CDH19: variants seen among roughly 807,000 people sequenced by gnomAD.
The protein encoded by CDH19 is cadherin-19.
A neutral mutation model predicts 64.2 loss-of-function variants in CDH19; 67 were observed. The observed-to-expected ratio is 1.04, with a 90% CI of 0.86 to 1.28. The LOEUF is 1.28. Ranked by LOEUF, CDH19 falls within the 50% of genes most tolerant of loss-of-function variation. CDH19 has a pLI of 0.00. For missense variants in CDH19, 1,030 were observed against 929.0 expected (o/e 1.11, Z -1.41); for synonymous variants, 346 against 319.3 (o/e 1.08, Z -0.89).
At chr18:66,514,967 C>T (rs1376801560) in intron 9 of CDH19, among the ~76,000 whole-genome samples, 1 of 151,532 alleles carries the variant, frequency 6.6e-6, no homozygotes, top group African/African-American at 2.4e-5. Context: ...ACAATGAAAC[C>T]TACTTCCAGG....
chr18:66,532,685 T>G, intron 8 of CDH19: 1 of 445,720 alleles, frequency 2.2e-6, no homozygotes, highest in Non-Finnish European at 4.5e-6. Flanking sequence ...TGAAATGTAA[T>G]CTTCAAGGAA....
rs372008240 is a variant in CDH19, at chr18:66,504,803, T to C, written c.*9A>G. The C allele has an allele frequency of 5.2e-4, 828 of 1,582,894 alleles. No homozygotes were observed. Among genetic ancestry groups the C allele is most frequent in the Non-Finnish European group, 6.6e-4 (768 of 1,160,282 alleles). The stretch of plus-strand genomic sequence containing the variant: ...TTAGCACTTTTAAAAATTTTGATGG[T>C]AAAAAGCCCTAATTATTTGACTGCA... On this transcript the variant is annotated 3_prime_UTR_variant, in exon 12 of 12. Transcript: ENST00000262150.
intron 1 of CDH19, among the ~76,000 whole-genome samples, chr18:66,598,045 A>C (rs1239285932): frequency 1.3e-5 from 2 of 152,182 alleles, no homozygotes; most frequent in African/African-American, 4.8e-5. Flanking sequence ...GTATAAAAAA[A>C]AATATTCCAA....
chr18:66,544,647 ACCAG>A, intron 6 of CDH19, 68 bp downstream of exon 6: 1 of 1,040,566 alleles, frequency 9.6e-7, no homozygotes, highest in Non-Finnish European at 1.4e-6. Flanking sequence ...TTAAAAACTA[ACCAG>A]CTACACAAAA....
At chr18:66,542,730 T>C (rs1448349984) in intron 7 of CDH19, among the ~76,000 whole-genome samples, 1 of 151,998 alleles carries the variant, frequency 6.6e-6, no homozygotes, top group Non-Finnish European at 1.5e-5. Flanking sequence ...AGCCTTACTG[T>C]CTGAGCTCCG....
chr18:66,598,229 A>C (rs1402886834), intron 1 of CDH19, among the ~76,000 whole-genome samples: 2 of 152,148 alleles, frequency 1.3e-5, no homozygotes. Flanking sequence ...CACTATGAAA[A>C]GCAGTTTGGA....
At chr18:66,511,200 A>T (rs1985464885) in intron 10 of CDH19, among the ~76,000 whole-genome samples, 1 of 120,410 alleles carries the variant, frequency 8.3e-6, no homozygotes, top group African/African-American at 3.0e-5. Flanking sequence ...TAATATGACT[A>T]ACTAAAATAA....
chr18:66,596,625 C>T (rs1988895373), intron 1 of CDH19, among the ~76,000 whole-genome samples: 1 of 151,862 alleles, frequency 6.6e-6, no homozygotes, highest in African/African-American at 2.4e-5. Flanking sequence ...ATGAGAGTTA[C>T]AAAAGTTACT....
intron 1 of CDH19, among the ~76,000 whole-genome samples, chr18:66,590,389 A>G (rs1988707870): frequency 6.6e-6 from 1 of 151,958 alleles, no homozygotes; most frequent in African/African-American, 2.4e-5. Flanking sequence ...TACTGAGCAT[A>G]TTGAAGTTAA....
At chr18:66,532,807 T>C in intron 8 of CDH19, 2 of 430,124 alleles carry the variant, frequency 4.6e-6, no homozygotes, top group Non-Finnish European at 9.3e-6. Context: ...AAAGTTAAGT[T>C]GTCCTTTGGA....
At chr18:66,583,842 A>G (rs990305898) in intron 1 of CDH19, among the ~76,000 whole-genome samples, 4 of 152,128 alleles carry the variant, frequency 2.6e-5, no homozygotes, top group Non-Finnish European at 5.9e-5. Flanking sequence ...ACCACATACA[A>G]AAATCAATTC....
chr18:66,575,339 T>C (rs1455503850), intron 1 of CDH19, among the ~76,000 whole-genome samples: 1 of 151,774 alleles, frequency 6.6e-6, no homozygotes, highest in South Asian at 2.1e-4. Context: ...TCATCAGAAA[T>C]GCTGGAGAAA....
At chr18:66,536,767 C>G (rs1001639351) in intron 7 of CDH19, among the ~76,000 whole-genome samples, 1 of 151,698 alleles carries the variant, frequency 6.6e-6, no homozygotes, top group African/African-American at 2.4e-5. Context: ...TCTTTTCCCC[C>G]ACTCCACCTT....
Position 66,511,695 on chromosome 18 carries a change from A to C in CDH19, c.1459-10T>G, listed in dbSNP as rs1441766989. 7.8e-7 allele frequency: 1 copy of C among 1,289,294 alleles called. No individual in the cohort carries two copies. The highest frequency in any genetic ancestry group is 1.8e-5 in the Admixed American group (1 of 55,874). 79.9% of individuals were successfully genotyped at this position (1,289,294 alleles called of 1,614,324 possible). On this transcript the variant is annotated splice_polypyrimidine_tract_variant and intron_variant, in intron 9 of 11. Transcript: ENST00000262150. ...TGATAGTCTGAATTACCTAAAAAAA[A>C]AGGGGGATAGATTTTTGTTGTTGTT... is the stretch of plus-strand genomic sequence containing the variant.
intron 7 of CDH19, among the ~76,000 whole-genome samples, chr18:66,537,568 T>C (rs541763423): frequency 3.9e-5 from 6 of 152,200 alleles, no homozygotes; most frequent in Non-Finnish European, 8.8e-5. Flanking sequence ...AGGAAACTAT[T>C]TTAAAATGTT....
chr18:66,588,776 T>C (rs1199533277), intron 1 of CDH19, among the ~76,000 whole-genome samples: 1 of 151,594 alleles, frequency 6.6e-6, no homozygotes, highest in African/African-American at 2.4e-5. Flanking sequence ...TCTGATAAAA[T>C]TGGTTTTATT....
intron 3 of CDH19, among the ~76,000 whole-genome samples, chr18:66,562,947 T>C (rs930876546): frequency 2.0e-5 from 3 of 152,114 alleles, no homozygotes; most frequent in Admixed American, 1.3e-4. Flanking sequence ...TTGAGTTATG[T>C]AAATTTTATT....
intron 9 of CDH19, among the ~76,000 whole-genome samples, chr18:66,515,143 A>G (rs1985679031): frequency 6.6e-6 from 1 of 151,762 alleles, no homozygotes. Context: ...AATGTTAAAC[A>G]AAAAGTTGGA....
intron 9 of CDH19, among the ~76,000 whole-genome samples, chr18:66,517,044 T>G (rs563235075): frequency 7.9e-5 from 12 of 152,216 alleles, no homozygotes; most frequent in African/African-American, 2.9e-4. Context: ...TAGGAGCAAA[T>G]TTGGTGTAAC....
Sources: gnomAD v4.1 joint callset for allele counts (sites outside exome capture counted in the v4.1 genomes callset) on GRCh38, gnomAD v4.1.1 for gene constraint, MANE v1.5 for transcripts, NCBI Gene and HGNC (gene_info 2026-07-23, HGNC 2026-07-21) for gene names.